ATP8B4: variants seen among roughly 807,000 people sequenced by gnomAD.
ATP8B4 encodes the protein probable phospholipid-transporting ATPase IM.
A neutral mutation model predicts 145.6 loss-of-function variants in ATP8B4; 133 were observed. The observed-to-expected ratio is 0.91, with a 90% CI of 0.79 to 1.05. ATP8B4 has a LOEUF of 1.05. Ranked by LOEUF, ATP8B4 falls within the 50% of genes least tolerant of loss-of-function variation. ATP8B4 has a pLI of 0.00. For missense variants in ATP8B4, 1,458 were observed against 1,425.2 expected, an observed-to-expected ratio of 1.02 and a Z score of -0.37; for synonymous variants, 507 against 492.9, an observed-to-expected ratio of 1.03 and a Z score of -0.38.
intron 1 of ATP8B4, among the ~76,000 whole-genome samples, chr15:50,126,012 T>C (rs777079392): frequency 3.3e-5 from 5 of 152,176 alleles, no homozygotes; most frequent in Non-Finnish European, 5.9e-5. Context: ...AGAATCCTTC[T>C]AGTGGAAGAG....
At chr15:50,046,057 C>T (rs972708164) in intron 4 of ATP8B4, among the ~76,000 whole-genome samples, 20 of 152,184 alleles carry the variant, frequency 1.3e-4, no homozygotes, top group African/African-American at 4.3e-4. Context: ...ATCATATCCC[C>T]TCACTTTCTG....
intron 14 of ATP8B4, among the ~76,000 whole-genome samples, chr15:49,943,242 G>C (rs1237677665): frequency 6.6e-6 from 1 of 152,044 alleles, no homozygotes; most frequent in African/African-American, 2.4e-5. Flanking sequence ...CCATTAAACA[G>C]AACAGCTTAT....
At chr15:49,993,607 T>C (rs2047202486) in intron 9 of ATP8B4, among the ~76,000 whole-genome samples, 1 of 152,162 alleles carries the variant, frequency 6.6e-6, no homozygotes, top group African/African-American at 2.4e-5. Context: ...GTATATTGTT[T>C]CTAATTTATT....
chr15:50,050,960 A>G (rs2052138760), intron 3 of ATP8B4, among the ~76,000 whole-genome samples: 1 of 152,170 alleles, frequency 6.6e-6, no homozygotes. Context: ...GCTCCTAGCC[A>G]TCACTCCTAT....
chr15:49,972,864 T>G, intron 12 of ATP8B4, 74 bp from the exon 13 acceptor site: 1 of 1,479,516 alleles, frequency 6.8e-7, no homozygotes. Flanking sequence ...TTTGCCAAAA[T>G]AAGAAGTCTG....
intron 1 of ATP8B4, among the ~76,000 whole-genome samples, chr15:50,111,374 CAGTT>C (rs1417441066): frequency 1.3e-5 from 2 of 152,198 alleles, no homozygotes; most frequent in Admixed American, 1.3e-4. Context: ...GTTCTCCTGA[CAGTT>C]AGAGTATGTA....
intron 1 of ATP8B4, among the ~76,000 whole-genome samples, chr15:50,179,477 G>A (rs1391556796): frequency 6.6e-6 from 1 of 152,148 alleles, no homozygotes; most frequent in African/African-American, 2.4e-5. Context: ...AAGCAATGGG[G>A]AACCACTAAA....
intron 2 of ATP8B4, among the ~76,000 whole-genome samples, chr15:50,083,086 C>A (rs958846421): frequency 9.9e-5 from 15 of 152,146 alleles, no homozygotes; most frequent in Admixed American, 7.9e-4. Flanking sequence ...AAATGCAATA[C>A]TCCAGATGTA....
rs573126549 is a variant in ATP8B4 at position 50,156,695 on chromosome 15, C to A, written c.-43+25566G>T. ...ACTGAGCTCTACATTTTCCTTGATG[C>A]AATTTGCACATCAGTTTTTAAATGT... On this transcript the variant is annotated intron_variant, in intron 1 of 3. Coordinates refer to the ATP8B4 transcript ENST00000558829. Among the ~76,000 whole-genome samples, 15 of 152,258 alleles carry A rather than the reference C, an allele frequency of 9.9e-5. No homozygotes were observed. In the South Asian group the frequency reaches 2.9e-3, roughly 29 times the overall value.
chr15:49,900,273 A>G (rs931720125), intron 21 of ATP8B4, among the ~76,000 whole-genome samples: 2 of 152,204 alleles, frequency 1.3e-5, no homozygotes, highest in Non-Finnish European at 2.9e-5. Context: ...CTAACAACAG[A>G]CAGCTGATCG....
At position 50,058,509 on chromosome 15, in the gene ATP8B4, A is replaced by C. The variant is rs1461867540; in HGVS notation, c.88-11045T>G. ...TAACGTGGAAAGGCACCCATAAAGA[A>C]TTTTCCAAAGGGCCAAAGAGTTATA... On this transcript the variant is annotated intron_variant, in intron 3 of 27. Coordinates refer to ENST00000284509, the MANE Select transcript of ATP8B4 (RefSeq NM_024837.4). 2.6e-5 allele frequency among the ~76,000 whole-genome samples: 4 copies of C among 152,260 alleles called. No individual in the cohort carries two copies. The East Asian group carries it at 5.8e-4, about 22-fold the overall frequency.
At chr15:50,022,336 A>T (rs2049645921) in intron 6 of ATP8B4, among the ~76,000 whole-genome samples, 1 of 152,172 alleles carries the variant, frequency 6.6e-6, no homozygotes, top group South Asian at 2.1e-4. Flanking sequence ...AGGTCCATCA[A>T]CACATCCATC....
intron 3 of ATP8B4, among the ~76,000 whole-genome samples, chr15:50,049,950 ATGTCTTCTTT>A (rs1248805317): frequency 6.6e-6 from 1 of 152,034 alleles, no homozygotes; most frequent in Non-Finnish European, 1.5e-5. Context: ...GGTCACATGT[ATGTCTTCTTT>A]TGAGAAGTGT....
At position 49,859,969 on chromosome 15, in the gene ATP8B4, T is replaced by A. The variant is rs4494482; in HGVS notation, c.*225A>T. ...AAAAATCTGTACTTGTAACAGCGAGTGTTTTGTCCACCAAATCACAAACCA... is the reference window on the plus strand; with the variant it reads ...AAAAATCTGTACTTGTAACAGCGAGAGTTTTGTCCACCAAATCACAAACCA... On this transcript the variant is annotated 3_prime_UTR_variant, in exon 28 of 28. Transcript: ENST00000284509. The A allele has an allele frequency of 0.25, 118,321 of 478,878 alleles. 16,169 individuals are homozygous for A. Among genetic ancestry groups the A allele is most frequent in the Middle Eastern group, 0.3 (563 of 1,888 alleles). The allele number at this position is 478,878 out of a possible 1,614,324, so 29.7% of individuals were successfully genotyped here. A position where few individuals can be genotyped will look rare whatever the true frequency, so the allele number is the denominator to read the frequency against.
intron 13 of ATP8B4, among the ~76,000 whole-genome samples, chr15:49,970,546 C>T (rs1185801447): frequency 6.6e-6 from 1 of 152,062 alleles, no homozygotes; most frequent in African/African-American, 2.4e-5. Flanking sequence ...AATAAAATAC[C>T]TAGAAATACA....
intron 8 of ATP8B4, among the ~76,000 whole-genome samples, chr15:50,000,533 T>C (rs184206396): frequency 1.1e-3 from 173 of 152,308 alleles, no homozygotes; most frequent in Non-Finnish European, 1.9e-3. Flanking sequence ...TTGCCCATTT[T>C]CAAATGGGAT....
intron 10 of ATP8B4, among the ~76,000 whole-genome samples, chr15:49,985,899 A>T (rs543492698): frequency 3.3e-5 from 5 of 152,190 alleles, no homozygotes; most frequent in Non-Finnish European, 5.9e-5. Flanking sequence ...AAAAAAGTAA[A>T]GCTTCCGAAG....
In ATP8B4 at chr15:49,860,141, T is replaced by TTCAGCTCCACCTGAAGTGAAAAGATAA; in HGVS notation, c.*26_*52dup. On this transcript the variant is annotated 3_prime_UTR_variant, in exon 28 of 28. Transcript: ENST00000284509. ...TCTCAAACTCTGGAGCCAGCAGAAT[T>TTCAGCTCCACCTGAAGTGAAAAGATAA]TCAGCTCCACCTGAAGTGAAAAGAT... The TTCAGCTCCACCTGAAGTGAAAAGATAA allele has an allele frequency of 6.5e-7, 1 of 1,537,712 alleles. No homozygotes were observed. Among genetic ancestry groups the TTCAGCTCCACCTGAAGTGAAAAGATAA allele is most frequent in the Non-Finnish European group, 8.8e-7 (1 of 1,141,486 alleles).
upstream of ATP8B4, among the ~76,000 whole-genome samples, chr15:50,120,053 G>T (rs1283560493): frequency 1.3e-5 from 2 of 152,068 alleles, no homozygotes; most frequent in African/African-American, 4.8e-5. Context: ...GAAAAATATG[G>T]CTTCTTTTAA....
Sources: gnomAD v4.1 joint callset for allele counts (sites outside exome capture counted in the v4.1 genomes callset) on GRCh38, gnomAD v4.1.1 for gene constraint, MANE v1.5 for transcripts, NCBI Gene and HGNC (gene_info 2026-07-23, HGNC 2026-07-21) for gene names.